Variants in ETNK2 observed in about 807,000 individuals in gnomAD.
ETNK2 encodes ethanolamine kinase 2.
Under a neutral mutation model 46.2 loss-of-function variants are expected in ETNK2, and 33 were observed. The ratio of observed to expected loss-of-function variants is 0.71; its 90% confidence interval spans 0.54 to 0.96. The LOEUF is 0.96. ETNK2 is among the 40% of genes least tolerant of loss of function. The pLI, the probability that ETNK2 is intolerant of heterozygous loss-of-function variation, is 0.00. For synonymous variants in ETNK2, 194 were observed against 209.0 expected, an observed-to-expected ratio of 0.93 and a Z score of 0.62; for missense variants, 445 against 509.7, an observed-to-expected ratio of 0.87 and a Z score of 1.22.
intron 2 of ETNK2, chr1:204,147,541 G>C: frequency 1.9e-6 from 1 of 533,344 alleles, no homozygotes; most frequent in Non-Finnish European, 3.8e-6. Flanking sequence ...TCCTCTTCCA[G>C]TCTTCCCTTC....
intron 7 of ETNK2, among the ~76,000 whole-genome samples, chr1:204,134,177 C>T (rs768889312): frequency 1.4e-4 from 22 of 152,238 alleles, no homozygotes; most frequent in Non-Finnish European, 2.5e-4. Context: ...GACCTACAGT[C>T]GTTCAGACTG....
intron 2 of ETNK2, chr1:204,147,619 G>T (rs1314105598): frequency 4.0e-6 from 2 of 503,588 alleles, no homozygotes; most frequent in South Asian, 2.9e-5. Context: ...TACAGCCTCT[G>T]CCTGTTGCTT....
At chr1:204,139,322 G>A (rs1054102805) in intron 5 of ETNK2, among the ~76,000 whole-genome samples, 5 of 152,206 alleles carry the variant, frequency 3.3e-5, no homozygotes, top group Admixed American at 6.5e-5. Flanking sequence ...AAGGAGTGGA[G>A]GCTGAAGTCA....
Position 204,146,664 on chromosome 1 carries a change from C to A in ETNK2, c.619G>T (p.Val207Leu). Residue 207 changes from valine to leucine, a missense_variant, in exon 3 of 8, where the codon GTG becomes TTG. Transcript: ENST00000367202. ...TACCTGGGGTTGATCTCGTTCTTCACAAGCGTGAAATAATTGTGCATCTTG... is the reference window on the plus strand; with the variant it reads ...TACCTGGGGTTGATCTCGTTCTTCAAAAGCGTGAAATAATTGTGCATCTTG... The part of the protein sequence containing the change: ...WHKMHNYFTL[V>L]KNEINPSLSA... The A allele has an allele frequency of 1.2e-6, 2 of 1,614,028 alleles. No individual in the cohort carries two copies. The highest frequency in any genetic ancestry group is 1.7e-6 in the Non-Finnish European group (2 of 1,179,892).
chr1:204,144,366 A>AAAAAAAAAAAAAAAAAAAAC (rs1558236285), intron 3 of ETNK2, among the ~76,000 whole-genome samples: 1 of 150,194 alleles, frequency 6.7e-6, no homozygotes, highest in Non-Finnish European at 1.5e-5. Flanking sequence ...AAAAAAAAAA[A>AAAAAAAAAAAAAAAAAAAAC]AAAGCCATTT....
intron 3 of ETNK2, among the ~76,000 whole-genome samples, chr1:204,145,111 C>T (rs947850960): frequency 6.6e-6 from 1 of 152,194 alleles, no homozygotes; most frequent in Non-Finnish European, 1.5e-5. Flanking sequence ...TAAATGATTG[C>T]TCATCATTGT....
chr1:204,141,080 C>T, intron 4 of ETNK2: 1 of 611,626 alleles, frequency 1.6e-6, no homozygotes, highest in African/African-American at 1.8e-5. Flanking sequence ...CATGCCTTGG[C>T]CTCCCAAACT....
chr1:204,149,862 A>C lies in ETNK2; in HGVS notation c.359T>G (p.Leu120Arg). Residue 120 changes from leucine (L) to arginine (R), a missense_variant, in exon 2 of 8, where the codon CTG becomes CGG. Coordinates refer to ENST00000367202, the MANE Select transcript of ETNK2 (RefSeq NM_018208.4). The stretch of plus-strand genomic sequence containing the variant: ...GACCTCATTCTCCCGGTCCACCAGC[A>C]GCTCCGTCCGCTCCCCATACACCCG... ...LVRVYGERTE[L>R]LVDRENEVRN... The C allele has an allele frequency of 6.3e-7, 1 of 1,597,516 alleles. No homozygotes were observed.
In ETNK2 at chr1:204,141,637, G is replaced by C. The variant is rs1449551734; in HGVS notation, c.642-180C>G. On this transcript the variant is annotated intron_variant, in intron 3 of 7. Coordinates refer to ENST00000367202, the MANE Select transcript of ETNK2 (RefSeq NM_018208.4). ...CTGTAAAATGGCACTGAGGCGTCCT[G>C]TCCTTCTGACTCCTCTGGTTATGCT... 6.2e-6 allele frequency: 4 copies of C among 640,946 alleles called. No individual in the cohort carries two copies. In the African/African-American group the frequency reaches 7.3e-5, roughly 12 times the overall value. The allele number at this position is 640,946 out of a possible 1,614,324, so 39.7% of individuals were successfully genotyped here. A position where few individuals can be genotyped will look rare whatever the true frequency, so the allele number is the denominator to read the frequency against.
At chr1:204,146,593 G>A (rs1178512943) in intron 3 of ETNK2, 49 bp downstream of exon 3, 3 of 1,609,682 alleles carry the variant, frequency 1.9e-6, no homozygotes, top group South Asian at 2.2e-5. Context: ...AAAGGATGGG[G>A]AAGGGAGATC....
chr1:204,148,853 T>G (rs1657896310), intron 2 of ETNK2, among the ~76,000 whole-genome samples: 1 of 152,208 alleles, frequency 6.6e-6, no homozygotes, highest in South Asian at 2.1e-4. Flanking sequence ...CCTGGGCAGA[T>G]GCCAAGGCTC....
intron 2 of ETNK2, 85 bp from the exon 3 acceptor site, chr1:204,146,849 T>C: frequency 6.4e-7 from 1 of 1,562,842 alleles, no homozygotes; most frequent in South Asian, 1.1e-5. Flanking sequence ...ATAGGGACCC[T>C]CCAGGCCCAC....
Position 204,137,213 on chromosome 1 carries a change from C to G in ETNK2, c.905G>C (p.Arg302Pro). 1 of 1,613,884 alleles carries G rather than the reference C, an allele frequency of 6.2e-7. No individual in the cohort carries two copies. Among genetic ancestry groups the G allele is most frequent in the Non-Finnish European group, 8.5e-7 (1 of 1,179,826 alleles). The change falls in exon 6 of 8, where the codon CGG becomes CCG. Residue 302 changes from arginine (R) to proline (P), a missense_variant. Arg to Pro is a moderately radical substitution (Grantham distance 103). Transcript: ENST00000367202. ...NEVDYCLYPA[R>P]ETQLQWLHYY... Reference sequence around the variant, plus strand: ...GTGCAGCCACTGCAGCTGGGTCTCCCGCGCCGGGTACAGGCAGTAATCCAC... The same window carrying G: ...GTGCAGCCACTGCAGCTGGGTCTCCGGCGCCGGGTACAGGCAGTAATCCAC...
At position 204,131,622 on chromosome 1, in the gene ETNK2, T is replaced by C. The variant is rs989762073; in HGVS notation, c.*562A>G. The C allele has an allele frequency of 1.9e-5, 3 of 158,914 alleles. No individual in the cohort carries two copies. Among genetic ancestry groups the C allele is most frequent in the Admixed American group, 1.2e-4 (2 of 16,864 alleles). The allele number at this position is 158,914 out of a possible 1,614,324, so 9.8% of individuals were successfully genotyped here. On this transcript the variant is annotated 3_prime_UTR_variant, in exon 8 of 8. Transcript: ENST00000367202. The surrounding 1 kb of genome is among the most constrained non-coding windows in gnomAD (Gnocchi z 4.3). ...GATCTGGTTTGGAGAAGGTGAGGGA[T>C]CTCAGAGGAGGTGGCTGCTGGGGAA...
rs1553300893 is a variant in ETNK2, at chr1:204,133,518, C to CAATTT, written c.1088+996_1088+997insAAATT. On this transcript the variant is annotated intron_variant, in intron 7 of 7. Transcript: ENST00000367202. ...ATTAAATTTTATTTTTTTATCATTT[C>CAATTT]ATTTTATTTTATTTTATTTTTTTTT... is the stretch of plus-strand genomic sequence containing the variant. Among the ~76,000 whole-genome samples the CAATTT allele has an allele frequency of 2.9e-4, 37 of 126,056 alleles. 2 individuals are homozygous for CAATTT. The East Asian group carries it at 8.7e-3, about 30-fold the overall frequency. The allele number at this position is 126,056 out of a possible 152,430, so 82.7% of individuals were successfully genotyped here.
intron 2 of ETNK2, 81 bp from the exon 3 acceptor site, chr1:204,146,845 A>G (rs887804877): frequency 1.3e-6 from 2 of 1,574,084 alleles, no homozygotes; most frequent in African/African-American, 2.7e-5. Context: ...CCAGATAGGG[A>G]CCCTCCAGGC....
intron 2 of ETNK2, 73 bp downstream of exon 2, chr1:204,149,630 C>T: frequency 6.7e-7 from 1 of 1,490,898 alleles, no homozygotes; most frequent in Non-Finnish European, 9.0e-7. Flanking sequence ...CCACCATGGA[C>T]CCCACATGCC....
At chr1:204,146,138 GA>G (rs1228488891) in intron 3 of ETNK2, among the ~76,000 whole-genome samples, 2 of 152,196 alleles carry the variant, frequency 1.3e-5, no homozygotes, top group Admixed American at 6.5e-5. Flanking sequence ...GAAGTAGCAG[GA>G]ACCTCGATGT....
At chr1:204,141,567 G>A (rs1307694163) in intron 3 of ETNK2, 110 bp from the exon 4 acceptor site, 4 of 1,288,934 alleles carry the variant, frequency 3.1e-6, no homozygotes, top group African/African-American at 1.5e-5. Flanking sequence ...TACTGCAGGG[G>A]GCCTTGGAAA....
Sources: allele counts gnomAD v4.1 joint callset (sites outside exome capture counted in the v4.1 genomes callset), GRCh38; gene constraint gnomAD v4.1.1; non-coding constraint Gnocchi (gnomAD v3.1); transcripts MANE v1.5; gene names NCBI Gene and HGNC (gene_info 2026-07-23, HGNC 2026-07-21).